Variants in SYNE2 observed in about 807,000 individuals in gnomAD.
SYNE2 encodes spectrin repeat containing nuclear envelope protein 2.
SYNE2 carries 431 observed loss-of-function variants against 856.3 expected under a neutral mutation model. The ratio of observed to expected loss-of-function variants is 0.50; its 90% CI spans 0.47 to 0.55. The LOEUF (loss-of-function observed/expected upper bound fraction) is 0.55. Ranked by LOEUF, SYNE2 falls within the 20% of genes least tolerant of loss-of-function variation. SYNE2 has a pLI of 0.00. For missense variants in SYNE2, 8,129 were observed against 8,023.2 expected, an observed-to-expected ratio of 1.01 and a Z score of -0.50; for synonymous variants, 2,923 against 2,872.3, an observed-to-expected ratio of 1.02 and a Z score of -0.56.
chr14:64,087,282 G>T (rs1163124754), intron 57 of SYNE2: 1 of 371,758 alleles, frequency 2.7e-6, no homozygotes, highest in Non-Finnish European at 5.3e-6. Flanking sequence ...GGAATTACCT[G>T]AAGAGTACAT....
At chr14:64,077,859 C>T (rs896417620) in intron 54 of SYNE2, among the ~76,000 whole-genome samples, 1 of 151,936 alleles carries the variant, frequency 6.6e-6, no homozygotes, top group African/African-American at 2.4e-5. Flanking sequence ...AAAAAAATTA[C>T]GCTGTTCAGT....
chr14:64,097,435 A>G (rs892147537), intron 61 of SYNE2, among the ~76,000 whole-genome samples: 3 of 152,240 alleles, frequency 2.0e-5, no homozygotes, highest in Non-Finnish European at 4.4e-5. Flanking sequence ...TGGTTCCCAA[A>G]TGTTAGTCTG....
Position 64,225,477 on chromosome 14 carries a change from G to A in SYNE2, c.20675G>A (p.Arg6892Gln), listed in dbSNP as rs774785412. Residue 6892 changes from arginine to glutamine, a missense_variant, in exon 116 of 116, where the codon CGG becomes CAG. This residue lies in a region of SYNE2 where 5,410 missense variants were observed against 5,284.8 expected (regional missense o/e 1.02). Coordinates refer to ENST00000555002, the MANE Select transcript of SYNE2 (RefSeq NM_182914.3). ...TGCACTCAGGCCAACAACTTTGCCC[G>A]GTCCTTTTACCCCATGCTGAGGTAC... ...YSCTQANNFA[R>Q]SFYPMLRYTN... 29 of 1,614,022 alleles carry A rather than the reference G, an allele frequency of 1.8e-5. No individual in the cohort carries two copies. The highest frequency in any genetic ancestry group is 3.3e-5 in the Admixed American group (2 of 59,992).
chr14:64,161,412 T>G (rs1167266057), intron 87 of SYNE2, among the ~76,000 whole-genome samples: 1 of 152,046 alleles, frequency 6.6e-6, no homozygotes, highest in Non-Finnish European at 1.5e-5. Flanking sequence ...TAAAACAATT[T>G]CCTTTATTTC....
intron 100 of SYNE2, among the ~76,000 whole-genome samples, chr14:64,204,136 CT>C (rs1183634844): frequency 6.6e-6 from 1 of 152,204 alleles, no homozygotes; most frequent in Non-Finnish European, 1.5e-5. Context: ...GGTTTTTCCA[CT>C]TAGCCTTGGA....
chr14:63,793,547 A>AGC (rs1887809664), intron 1 of SYNE2, among the ~76,000 whole-genome samples: 2 of 87,166 alleles, frequency 2.3e-5, no homozygotes, highest in African/African-American at 3.5e-5. Flanking sequence ...GTGAAATGTC[A>AGC]ACTCTCAACT....
At chr14:63,937,046 C>T (rs2095842716) in intron 2 of SYNE2, among the ~76,000 whole-genome samples, 1 of 152,100 alleles carries the variant, frequency 6.6e-6, no homozygotes, top group Non-Finnish European at 1.5e-5. Flanking sequence ...TCATCTATAT[C>T]AGATGCTGCT....
rs45590135 is a variant in SYNE2 at position 64,031,299 on chromosome 14, A to G, written c.7163A>G (p.Glu2388Gly). The change falls in exon 45 of 116, where the codon GAG (glutamate) becomes GGG (glycine). Residue 2388 changes from glutamate (E) to glycine (G), a missense_variant. Transcript: ENST00000555002. Reference protein sequence around the residue: ...REKQATSDVQESTQESAAVEK... With the variant: ...REKQATSDVQGSTQESAAVEK... The stretch of plus-strand genomic sequence containing the variant: ...AAGCAGGCCACTTCTGATGTGCAGG[A>G]GTCTACTCAGGAATCAGCTGCAGTG... 2,918 of 1,614,190 alleles carry G rather than the reference A, an allele frequency of 1.8e-3. 10 individuals are homozygous for G. Among genetic ancestry groups the G allele is most frequent in the Middle Eastern group, 6.1e-3 (37 of 6,062 alleles).
At chr14:63,831,304 A>G (rs1889659206) in intron 1 of SYNE2, among the ~76,000 whole-genome samples, 1 of 152,148 alleles carries the variant, frequency 6.6e-6, no homozygotes, top group Non-Finnish European at 1.5e-5. Flanking sequence ...CCTTGACTAA[A>G]TATAGAAGTC....
At position 64,091,060 on chromosome 14, in the gene SYNE2, C is replaced by T. The variant is rs1187624205; in HGVS notation, c.11976+12C>T. 6.2e-7 allele frequency: 1 copy of T among 1,612,654 alleles called. No homozygotes were observed. The highest frequency in any genetic ancestry group is 1.7e-5 in the Admixed American group (1 of 60,014). ...ATGAGTTATTAAAGGTAAGCAGTTT[C>T]TGATGACATCCAACTTACTGGATGA... On this transcript the variant is annotated intron_variant, in intron 60 of 115. Transcript: ENST00000555002.
chr14:63,816,273 G>C (rs979273877), intron 1 of SYNE2, among the ~76,000 whole-genome samples: 2 of 151,960 alleles, frequency 1.3e-5, no homozygotes, highest in Non-Finnish European at 2.9e-5. Flanking sequence ...CCATATAGAG[G>C]CCTAATTTTG....
At position 64,186,705 on chromosome 14, in the gene SYNE2, C is replaced by T. The variant is rs45448300; in HGVS notation, c.17712+126C>T. On this transcript the variant is annotated intron_variant, in intron 97 of 115. Coordinates refer to ENST00000555002, the MANE Select transcript of SYNE2 (RefSeq NM_182914.3). ...GCCCTTTTCAGTGGGACCCCTGGCC[C>T]GGCCGCTGCTCCTTTAGAAGGCAGC... The T allele has an allele frequency of 4.4e-3, 5,457 of 1,238,016 alleles. 19 individuals carry two copies. The highest frequency in any genetic ancestry group is 5.1e-3 in the Non-Finnish European group (4,383 of 854,950). The allele number at this position is 1,238,016 out of a possible 1,614,324, so 76.7% of individuals were successfully genotyped here.
chr14:64,156,082 G>T (rs1015890430), intron 85 of SYNE2, among the ~76,000 whole-genome samples: 1 of 152,202 alleles, frequency 6.6e-6, no homozygotes, highest in Non-Finnish European at 1.5e-5. Flanking sequence ...CTGCCCTGCT[G>T]ATGACCCCAG....
intron 1 of SYNE2, among the ~76,000 whole-genome samples, chr14:63,868,031 C>T (rs1895877750): frequency 6.6e-6 from 1 of 152,164 alleles, no homozygotes; most frequent in Non-Finnish European, 1.5e-5. Flanking sequence ...GCATGGACTA[C>T]AGAGTAAGAC....
intron 90 of SYNE2, chr14:64,166,991 A>G (rs1014494795): frequency 3.6e-6 from 2 of 556,504 alleles, no homozygotes; most frequent in Non-Finnish European, 6.4e-6. Context: ...AATCTGAGAT[A>G]ACTTTCTATT....
intron 38 of SYNE2, 119 bp from the exon 39 acceptor site, chr14:64,024,138 G>A (rs557617924): frequency 2.3e-4 from 187 of 809,416 alleles, no homozygotes; most frequent in Non-Finnish European, 3.6e-4. Flanking sequence ...CCCTTCTTTC[G>A]TATAGGATCT....
intron 59 of SYNE2, among the ~76,000 whole-genome samples, chr14:64,090,451 A>T (rs1470343774): frequency 6.6e-6 from 1 of 152,226 alleles, no homozygotes; most frequent in South Asian, 2.1e-4. Context: ...CATGCAGCAC[A>T]GTTCTGTTCA....
chr14:64,200,535 G>A (rs544264996), intron 99 of SYNE2, among the ~76,000 whole-genome samples: 2 of 152,352 alleles, frequency 1.3e-5, no homozygotes, highest in South Asian at 4.1e-4. Context: ...CTGGGGTGAG[G>A]AGGGTGTACC....
In SYNE2 at chr14:64,002,815, A is replaced by G. The variant is rs141726190; in HGVS notation, c.3882A>G (p.Leu1294=). 3.7e-5 allele frequency: 60 copies of G among 1,614,200 alleles called. No individual in the cohort carries two copies. The East Asian group carries it at 1.3e-3, about 35-fold the overall frequency. ...FVLKELHPFD[L]HAMQNIILKY... Reference sequence around the variant, plus strand: ...TAAAGGAGTTACACCCATTTGATCTACACGCAATGCAGAATATTATACTGA... The same window carrying G: ...TAAAGGAGTTACACCCATTTGATCTGCACGCAATGCAGAATATTATACTGA... Residue 1294 remains leucine (L), a synonymous_variant, in exon 30 of 116, where the codon CTA becomes CTG. Coordinates refer to ENST00000555002, the MANE Select transcript of SYNE2 (RefSeq NM_182914.3).
Sources: allele counts gnomAD v4.1 joint callset (sites outside exome capture counted in the v4.1 genomes callset), GRCh38; gene constraint gnomAD v4.1.1; regional missense constraint gnomAD v4.1.1; transcripts MANE v1.5; gene names NCBI Gene and HGNC (gene_info 2026-07-23, HGNC 2026-07-21).